Variants in ALDH6A1 observed in about 807,000 individuals in gnomAD.
The protein encoded by ALDH6A1 is methylmalonate-semialdehyde/malonate-semialdehyde dehydrogenase [acylating], mitochondrial.
ALDH6A1 carries 43 observed loss-of-function variants against 62.6 expected under a neutral mutation model. That is an observed-to-expected ratio of 0.69 (90% CI 0.54 to 0.89). The LOEUF (loss-of-function observed/expected upper bound fraction) is 0.89. ALDH6A1 is among the 40% of genes least tolerant of loss of function. The pLI, the probability that ALDH6A1 is intolerant of heterozygous loss-of-function variation, is 0.00. For synonymous variants in ALDH6A1, 194 were observed against 234.2 expected, an observed-to-expected ratio of 0.83 and a Z score of 1.57; for missense variants, 551 against 661.3, an observed-to-expected ratio of 0.83 and a Z score of 1.83.
Position 74,057,635 on chromosome 14 carries a change from G to A in ALDH6A1, c.*3007C>T, listed in dbSNP as rs1395376409. 2 of 1,329,938 alleles carry A rather than the reference G, an allele frequency of 1.5e-6. No homozygotes were observed. The highest frequency in any genetic ancestry group is 2.0e-6 in the Non-Finnish European group (2 of 1,020,308). The allele number at this position is 1,329,938 out of a possible 1,614,324, so 82.4% of individuals were successfully genotyped here. A position where few individuals can be genotyped will look rare whatever the true frequency, so the allele number is the denominator to read the frequency against. On this transcript the variant is annotated 3_prime_UTR_variant, in exon 12 of 12. Transcript: ENST00000553458. ...CCTAGAGGACAAAGGCTTATAAGGA[G>A]ATATGAAATGATTTTTTTAAGCCAA...
In ALDH6A1 at chr14:74,060,532, A is replaced by G. The variant is rs1306666124; in HGVS notation, c.*110T>C. The G allele has an allele frequency of 4.7e-6, 4 of 851,342 alleles. No individual in the cohort carries two copies. Among genetic ancestry groups the G allele is most frequent in the Non-Finnish European group, 8.1e-6 (4 of 495,122 alleles). The allele number at this position is 851,342 out of a possible 1,614,324, so 52.7% of individuals were successfully genotyped here. A position where few individuals can be genotyped will look rare whatever the true frequency, so the allele number is the denominator to read the frequency against. ...AATAGTCCTGAGGAAGATTTTAGTT[A>G]CAATGTATTCCAATCCCATCGATCT... is the stretch of plus-strand genomic sequence containing the variant. On this transcript the variant is annotated 3_prime_UTR_variant, in exon 12 of 12. Coordinates refer to ENST00000553458, the MANE Select transcript of ALDH6A1 (RefSeq NM_005589.4).
intron 1 of ALDH6A1, among the ~76,000 whole-genome samples, chr14:74,076,595 G>A (rs1211158939): frequency 6.6e-6 from 1 of 152,114 alleles, no homozygotes; most frequent in Non-Finnish European, 1.5e-5. Flanking sequence ...GGAGTACAGT[G>A]GCATGACCTT....
chr14:74,065,376 C>T lies in ALDH6A1; in HGVS notation c.1225-16G>A. ...TCATATTTGGCTGCCAGGAGTGATG[C>T]ATCCAGAAAAGAAGTCAGCTTTTTG... On this transcript the variant is annotated splice_polypyrimidine_tract_variant and intron_variant, in intron 9 of 11. Transcript: ENST00000553458. 6.2e-7 allele frequency: 1 copy of T among 1,613,132 alleles called. No individual in the cohort carries two copies. Among genetic ancestry groups the T allele is most frequent in the Non-Finnish European group, 8.5e-7 (1 of 1,179,686 alleles).
At chr14:74,075,600 T>C (rs2060603957) in intron 1 of ALDH6A1, among the ~76,000 whole-genome samples, 2 of 151,622 alleles carry the variant, frequency 1.3e-5, no homozygotes, top group South Asian at 4.2e-4. Flanking sequence ...GAGGCTGCAG[T>C]GAACCGTGAT....
chr14:74,078,166 C>T (rs1384804250), intron 1 of ALDH6A1: 2 of 455,172 alleles, frequency 4.4e-6, no homozygotes, highest in Non-Finnish European at 4.4e-6. Flanking sequence ...CTTGTACTTT[C>T]AGGAGCTGAC....
chr14:74,082,393 GTTTTTTTTT>G (rs869211328), intron 1 of ALDH6A1, among the ~76,000 whole-genome samples: 12 of 77,568 alleles, frequency 1.5e-4, no homozygotes, highest in South Asian at 6.6e-4. Flanking sequence ...CAAAATCGAG[GTTTTTTTTT>G]TTTTTTTTTT....
At chr14:74,076,713 AT>A (rs979275694) in intron 1 of ALDH6A1, among the ~76,000 whole-genome samples, 1 of 151,222 alleles carries the variant, frequency 6.6e-6, no homozygotes, top group African/African-American at 2.4e-5. Context: ...ATTTTATTTT[AT>A]TTTTTTTGTA....
intron 2 of ALDH6A1, among the ~76,000 whole-genome samples, chr14:74,073,191 C>T (rs1382019099): frequency 6.6e-6 from 1 of 152,062 alleles, no homozygotes; most frequent in Non-Finnish European, 1.5e-5. Context: ...GCAGCCTCAA[C>T]CCCCAGGGCT....
rs762229802 is a variant in ALDH6A1, at chr14:74,059,787, T to G, written c.*855A>C. The stretch of plus-strand genomic sequence containing the variant: ...GAAGAGAACCCTGAAACTTAGTACT[T>G]GGCACATATAACAAAAAGTTGATTT... On this transcript the variant is annotated 3_prime_UTR_variant, in exon 12 of 12. Transcript: ENST00000553458. The G allele has an allele frequency of 6.4e-6, 1 of 156,224 alleles. No homozygotes were observed. The highest frequency in any genetic ancestry group is 2.4e-5 in the African/African-American group (1 of 41,472). The allele number at this position is 156,224 out of a possible 1,614,324, so 9.7% of individuals were successfully genotyped here. A position where few individuals can be genotyped will look rare whatever the true frequency, so the allele number is the denominator to read the frequency against.
rs1177239721 is a variant in ALDH6A1 at position 74,057,993 on chromosome 14, C to T, written c.*2649G>A. On this transcript the variant is annotated 3_prime_UTR_variant, in exon 12 of 12. Transcript: ENST00000553458. ...CACTTGGAATATAGACAATAATGAC[C>T]TTTTATTTAACCCAGCCTATAGTTG... 1.3e-6 allele frequency: 1 copy of T among 791,758 alleles called. No individual in the cohort carries two copies. Among genetic ancestry groups the T allele is most frequent in the East Asian group, 1.2e-4 (1 of 8,094 alleles). The allele number at this position is 791,758 out of a possible 1,614,324, so 49.0% of individuals were successfully genotyped here. A position where few individuals can be genotyped will look rare whatever the true frequency, so the allele number is the denominator to read the frequency against.
intron 3 of ALDH6A1, 73 bp downstream of exon 3, chr14:74,072,464 A>G (rs1024323624): frequency 2.0e-5 from 33 of 1,613,016 alleles, no homozygotes; most frequent in Admixed American, 8.3e-5. Flanking sequence ...ACAGACACCC[A>G]GGTCCCTTCT....
rs879255579 is a variant in ALDH6A1 at position 74,068,927 on chromosome 14, G to T, written c.785C>A (p.Ser262Tyr). ...GAAGATATACTCTCCTGCCTTGTTGGATCCCACAAAGCTGATTGCTTTGAT... is the reference window on the plus strand; with the variant it reads ...GAAGATATACTCTCCTGCCTTGTTGTATCCCACAAAGCTGATTGCTTTGAT... ...PDIKAISFVG[S>Y]NKAGEYIFER... The change falls in exon 7 of 12, where the codon TCC becomes TAC. Residue 262 changes from serine (S) to tyrosine (Y), a missense_variant. Coordinates refer to ENST00000553458, the MANE Select transcript of ALDH6A1 (RefSeq NM_005589.4). The T allele has an allele frequency of 1.9e-6, 3 of 1,613,934 alleles. No homozygotes were observed. Among genetic ancestry groups the T allele is most frequent in the Non-Finnish European group, 2.5e-6 (3 of 1,179,950 alleles).
chr14:74,067,699 G>A, intron 7 of ALDH6A1, 130 bp from the exon 8 acceptor site: 1 of 986,828 alleles, frequency 1.0e-6, no homozygotes, highest in Non-Finnish European at 1.6e-6. Flanking sequence ...GAGGTGAGAA[G>A]GATAACTTGA....
intron 1 of ALDH6A1, among the ~76,000 whole-genome samples, chr14:74,075,394 C>T (rs763756816): frequency 3.3e-5 from 5 of 152,094 alleles, no homozygotes; most frequent in East Asian, 3.9e-4. Context: ...TGGTGACTCA[C>T]GCCTGTAATC....
At chr14:74,066,167 C>G (rs951441465) in intron 9 of ALDH6A1, 1 of 163,318 alleles carries the variant, frequency 6.1e-6, no homozygotes, top group Non-Finnish European at 1.4e-5. Flanking sequence ...ATAAGCTAGG[C>G]AGCAAGAGGG....
At chr14:74,063,949 G>C (rs910371358) in intron 11 of ALDH6A1, among the ~76,000 whole-genome samples, 1 of 151,880 alleles carries the variant, frequency 6.6e-6, no homozygotes, top group Non-Finnish European at 1.5e-5. Context: ...CAGGCAATTT[G>C]GTTCCAGATC....
At chr14:74,084,093 G>A (rs887991938) in intron 1 of ALDH6A1, among the ~76,000 whole-genome samples, 2 of 152,132 alleles carry the variant, frequency 1.3e-5, no homozygotes, top group African/African-American at 4.8e-5. Flanking sequence ...AAGGAGAGTG[G>A]GCGAGAGCCA....
At chr14:74,075,097 AT>A in intron 1 of ALDH6A1, 80 bp from the exon 2 acceptor site, 3 of 1,315,300 alleles carry the variant, frequency 2.3e-6, no homozygotes, top group Non-Finnish European at 3.3e-6. Flanking sequence ...ACTATATGCT[AT>A]TTGCTATAGT....
intron 5 of ALDH6A1, 123 bp downstream of exon 5, chr14:74,071,772 TA>T: frequency 6.8e-7 from 1 of 1,465,052 alleles, no homozygotes; most frequent in Non-Finnish European, 9.5e-7. Flanking sequence ...TCACAAGTAT[TA>T]AAAAAGATAT....
Sources: gnomAD v4.1 joint callset for allele counts (sites outside exome capture counted in the v4.1 genomes callset) on GRCh38, gnomAD v4.1.1 for gene constraint, MANE v1.5 for transcripts, NCBI Gene and HGNC (gene_info 2026-07-23, HGNC 2026-07-21) for gene names.